The following ROBO1 variants were observed in gnomAD, a reference collection of about 807,000 sequenced individuals.
ROBO1 encodes the protein roundabout homolog 1.
In ROBO1, 149 loss-of-function variants were observed where a neutral mutation model predicts 195.9. The observed-to-expected ratio is 0.76, with a 90% confidence interval of 0.67 to 0.87. The LOEUF is 0.87. ROBO1 is among the 40% of genes least tolerant of loss of function. The pLI is 0.00. For missense variants in ROBO1, 1,933 were observed against 2,068.3 expected (o/e 0.93, Z 1.27); for synonymous variants, 816 against 733.2 (o/e 1.11, Z -1.82).
chr3:79,017,528 C>A (rs1281249034), intron 3 of ROBO1, among the ~76,000 whole-genome samples: 1 of 148,876 alleles, frequency 6.7e-6, no homozygotes, highest in East Asian at 2.0e-4. Context: ...TGATTGAAAC[C>A]AGAATCTACC....
At chr3:79,693,195 T>A (rs914777045) in intron 1 of ROBO1, among the ~76,000 whole-genome samples, 8 of 151,858 alleles carry the variant, frequency 5.3e-5, no homozygotes, top group Non-Finnish European at 1.0e-4. Context: ...TTAATTAGTT[T>A]GATTTAGCAT....
At chr3:78,899,720 A>G (rs2037469073) in intron 4 of ROBO1, among the ~76,000 whole-genome samples, 1 of 152,186 alleles carries the variant, frequency 6.6e-6, no homozygotes, top group Admixed American at 6.5e-5. Context: ...ATATATTGAC[A>G]GATTTTTAAT....
At chr3:78,860,894 T>A (rs1404460406) in intron 4 of ROBO1, among the ~76,000 whole-genome samples, 1 of 152,142 alleles carries the variant, frequency 6.6e-6, no homozygotes, top group Non-Finnish European at 1.5e-5. Context: ...TCCCAGATGG[T>A]TTCATCTGGA....
chr3:79,245,649 A>T (rs2108893379), intron 2 of ROBO1, among the ~76,000 whole-genome samples: 1 of 152,072 alleles, frequency 6.6e-6, no homozygotes, highest in Non-Finnish European at 1.5e-5. Flanking sequence ...AAAAAAATGC[A>T]AAGGGAAAAG....
At chr3:79,444,334 T>C (rs1281822158) in intron 2 of ROBO1, among the ~76,000 whole-genome samples, 3 of 151,946 alleles carry the variant, frequency 2.0e-5, no homozygotes, top group African/African-American at 7.2e-5. Context: ...AACAGATATA[T>C]AATTTAAAAA....
chr3:79,036,567 A>G (rs2078384198), intron 3 of ROBO1, among the ~76,000 whole-genome samples: 1 of 152,182 alleles, frequency 6.6e-6, no homozygotes, highest in Non-Finnish European at 1.5e-5. Context: ...AACACTTTAT[A>G]TCACTAAGAT....
chr3:78,948,291 C>T lies in ROBO1; in HGVS notation c.173-9364G>A, dbSNP rs897715891. Among the ~76,000 whole-genome samples the T allele has an allele frequency of 2.6e-5, 4 of 152,270 alleles. No homozygotes were observed. The East Asian group carries it at 7.7e-4, about 29-fold the overall frequency. On this transcript the variant is annotated intron_variant, in intron 3 of 30. Transcript: ENST00000464233. ...TAAAATACTGGCAAACCAAATCCAG[C>T]AGCAAATCAAAAAGCTTATCCACCA...
intron 2 of ROBO1, among the ~76,000 whole-genome samples, chr3:79,135,119 T>A (rs1294245311): frequency 6.6e-6 from 1 of 152,156 alleles, no homozygotes; most frequent in Admixed American, 6.5e-5. Context: ...ATAGTCATCA[T>A]GTTGTATAAT....
At chr3:78,691,962 A>AT in intron 8 of ROBO1, among the ~76,000 whole-genome samples, 2 of 151,866 alleles carry the variant, frequency 1.3e-5, no homozygotes, top group Middle Eastern at 3.4e-3. Context: ...TTGCAAATAT[A>AT]TTTTTCCATT....
chr3:78,676,277 C>T (rs1708418436), intron 10 of ROBO1, among the ~76,000 whole-genome samples: 1 of 152,212 alleles, frequency 6.6e-6, no homozygotes, highest in Admixed American at 6.5e-5. Flanking sequence ...ACCTCTCCTC[C>T]TCCAAAGGAA....
At chr3:79,135,197 C>T (rs148140578) in intron 2 of ROBO1, among the ~76,000 whole-genome samples, 248 of 152,216 alleles carry the variant, frequency 1.6e-3, no homozygotes, top group African/African-American at 5.8e-3. Flanking sequence ...CCCAAACCCC[C>T]ACATCTATTA....
At chr3:79,479,874 T>C (rs1207141051) in intron 2 of ROBO1, among the ~76,000 whole-genome samples, 2 of 152,202 alleles carry the variant, frequency 1.3e-5, no homozygotes, top group Non-Finnish European at 2.9e-5. Flanking sequence ...TATTGTGCTA[T>C]ATTTAGTCCA....
chr3:79,161,645 C>A (rs1576755337), intron 2 of ROBO1, among the ~76,000 whole-genome samples: 1 of 152,070 alleles, frequency 6.6e-6, no homozygotes, highest in Non-Finnish European at 1.5e-5. Context: ...TACACCATAA[C>A]TTTGTATACC....
At chr3:79,023,389 C>T (rs986124532) in intron 3 of ROBO1, among the ~76,000 whole-genome samples, 11 of 151,988 alleles carry the variant, frequency 7.2e-5, no homozygotes, top group East Asian at 1.9e-4. Flanking sequence ...TAAAGTGATC[C>T]GAATAATCCG....
intron 2 of ROBO1, among the ~76,000 whole-genome samples, chr3:79,272,144 T>A (rs143812949): frequency 9.2e-4 from 140 of 152,064 alleles, no homozygotes; most frequent in Non-Finnish European, 1.2e-3. Flanking sequence ...GGCACTTTAA[T>A]ACATACTGAG....
chr3:78,947,994 A>G (rs1187628849), intron 3 of ROBO1, among the ~76,000 whole-genome samples: 2 of 152,222 alleles, frequency 1.3e-5, no homozygotes, highest in Non-Finnish European at 2.9e-5. Flanking sequence ...ATCTCTGAAT[A>G]GACCAATAAC....
chr3:79,703,077 TAAATC>T (rs1947665090), intron 1 of ROBO1, among the ~76,000 whole-genome samples: 1 of 151,808 alleles, frequency 6.6e-6, no homozygotes. Context: ...AAAACAGAAA[TAAATC>T]AAGTCTTAAA....
chr3:79,072,322 C>T (rs1258964755), intron 3 of ROBO1, among the ~76,000 whole-genome samples: 2 of 151,662 alleles, frequency 1.3e-5, no homozygotes, highest in East Asian at 3.9e-4. Flanking sequence ...GTTTGGCACA[C>T]AAGTTTTAAA....
intron 24 of ROBO1, 100 bp downstream of exon 24, chr3:78,633,835 A>C: frequency 1.5e-6 from 1 of 656,752 alleles, no homozygotes; most frequent in South Asian, 2.4e-5. Flanking sequence ...ACAGTGATTT[A>C]GACATGTCAC....
Sources: allele counts gnomAD v4.1 joint callset (sites outside exome capture counted in the v4.1 genomes callset), GRCh38; gene constraint gnomAD v4.1.1; transcripts MANE v1.5; gene names NCBI Gene and HGNC (gene_info 2026-07-23, HGNC 2026-07-21).